The following FOXP1 variants were observed in gnomAD, a reference collection of about 807,000 sequenced individuals.
FOXP1 encodes the protein forkhead box P1, also known as forkhead box protein P1.
Under a neutral mutation model 98.2 loss-of-function variants are expected in FOXP1, and 15 were observed. The observed-to-expected ratio is 0.15, with a 90% CI of 0.10 to 0.24. The LOEUF (loss-of-function observed/expected upper bound fraction) is 0.24, where lower values mean the gene tolerates loss of function less well. FOXP1 is among the 10% of genes least tolerant of loss of function. The pLI is 1.00. For synonymous variants in FOXP1, 371 were observed against 314.5 expected (o/e 1.18, Z -1.90); for missense variants, 633 against 848.5 (o/e 0.75, Z 3.15).
intron 5 of FOXP1, among the ~76,000 whole-genome samples, chr3:71,243,467 C>CTG (rs2067459315): frequency 6.6e-6 from 1 of 152,190 alleles, no homozygotes; most frequent in African/African-American, 2.4e-5. Flanking sequence ...AAGCCAAGCA[C>CTG]TGTGGCATGA....
chr3:71,322,307 A>G (rs1343231918), intron 4 of FOXP1, among the ~76,000 whole-genome samples: 1 of 152,216 alleles, frequency 6.6e-6, no homozygotes, highest in Non-Finnish European at 1.5e-5. Flanking sequence ...AAATATAACT[A>G]AAAATTCAGT....
chr3:71,583,639 GCCCGCGCGCGCAC>G lies in FOXP1; in HGVS notation c.-528_-516del. On this transcript the variant is annotated 5_prime_UTR_variant, in exon 1 of 21. Transcript: ENST00000649528. ...CCTTTCCCCGCGCGCGCCCACTCCC[GCCCGCGCGCGCAC>G]CCCGCGCACACACTCACTCGCGCAC... 2.0e-6 allele frequency: 2 copies of G among 983,032 alleles called. No homozygotes were observed. The highest frequency in any genetic ancestry group is 9.4e-5 in the South Asian group (2 of 21,170). 60.9% of individuals were successfully genotyped at this position (983,032 alleles called of 1,614,324 possible).
At chr3:71,273,653 G>C (rs2070608927) in intron 5 of FOXP1, among the ~76,000 whole-genome samples, 2 of 152,156 alleles carry the variant, frequency 1.3e-5, no homozygotes, top group Non-Finnish European at 2.9e-5. Flanking sequence ...TGCTAATGGG[G>C]GGATGACTGC....
At chr3:71,109,099 A>T (rs2057696193) in intron 7 of FOXP1, among the ~76,000 whole-genome samples, 1 of 152,264 alleles carries the variant, frequency 6.6e-6, no homozygotes, top group Non-Finnish European at 1.5e-5. Flanking sequence ...AGAACTTCAG[A>T]AGCAATATCT....
intron 9 of FOXP1, among the ~76,000 whole-genome samples, chr3:71,048,632 C>T (rs1462943735): frequency 6.6e-6 from 1 of 152,016 alleles, no homozygotes; most frequent in Non-Finnish European, 1.5e-5. Context: ...CACCCCTTCC[C>T]AAGTTATCAC....
At chr3:71,227,202 G>C (rs2065911616) in intron 5 of FOXP1, among the ~76,000 whole-genome samples, 1 of 152,020 alleles carries the variant, frequency 6.6e-6, no homozygotes, top group African/African-American at 2.4e-5. Flanking sequence ...GGTGACATCG[G>C]GCAGCTTTTA....
chr3:71,434,631 G>GGGGT (rs1553883024), intron 3 of FOXP1, among the ~76,000 whole-genome samples: 34 of 142,340 alleles, frequency 2.4e-4, no homozygotes, highest in Admixed American at 2.1e-4. Context: ...GAGGGGATGG[G>GGGGT]GTGTGTGTGT....
intron 3 of FOXP1, among the ~76,000 whole-genome samples, chr3:71,364,910 T>A (rs1180966027): frequency 2.6e-5 from 4 of 152,248 alleles, no homozygotes; most frequent in African/African-American, 9.6e-5. Context: ...TATTTTACTA[T>A]CTTTTAGTCA....
chr3:70,988,147 C>T (rs2040053222), intron 13 of FOXP1, 70 bp from the exon 14 acceptor site: 5 of 1,324,506 alleles, frequency 3.8e-6, no homozygotes, highest in Admixed American at 1.7e-5. Context: ...AAAAATGATA[C>T]ATATTACAAA....
At chr3:71,198,093 CA>C in intron 6 of FOXP1, 108 bp downstream of exon 6, 1 of 1,614,084 alleles carries the variant, frequency 6.2e-7, no homozygotes, top group Non-Finnish European at 8.5e-7. Flanking sequence ...GACAGATGGA[CA>C]GACAGGTGAA....
chr3:70,960,480 G>A lies in FOXP1; in HGVS notation c.1890-1089C>T, dbSNP rs559095520. 9.8e-5 allele frequency among the ~76,000 whole-genome samples: 15 copies of A among 152,328 alleles called. No homozygotes were observed. In the East Asian group the frequency reaches 2.3e-3, roughly 24 times the overall value. On this transcript the variant is annotated intron_variant, in intron 20 of 20. Transcript: ENST00000649528. ...GGATAACTATTGAGAAATGTTGTTC[G>A]TAAATCATATTTACAACTGATCCTT...
chr3:71,013,018 A>G (rs774487052), intron 12 of FOXP1, among the ~76,000 whole-genome samples: 4 of 152,202 alleles, frequency 2.6e-5, no homozygotes, highest in Non-Finnish European at 5.9e-5. Flanking sequence ...ACAAAAATGG[A>G]GGGCAGTTTG....
chr3:71,418,768 CACT>C (rs1260813804), intron 3 of FOXP1, among the ~76,000 whole-genome samples: 1 of 152,054 alleles, frequency 6.6e-6, no homozygotes, highest in Non-Finnish European at 1.5e-5. Context: ...AGACCAATAC[CACT>C]GTCACTATCG....
intron 3 of FOXP1, among the ~76,000 whole-genome samples, chr3:71,489,952 T>TA (rs1449727756): frequency 1.3e-5 from 2 of 152,226 alleles, no homozygotes. Flanking sequence ...GGAGGACACT[T>TA]ACCATGAAAC....
intron 5 of FOXP1, chr3:71,288,551 A>T (rs1402989389): frequency 6.6e-6 from 1 of 152,228 alleles, no homozygotes; most frequent in African/African-American, 2.4e-5. Flanking sequence ...CCAATCTGTG[A>T]TATACTTCAG....
At chr3:71,011,262 C>T (rs76363421) in intron 12 of FOXP1, among the ~76,000 whole-genome samples, 10 of 152,216 alleles carry the variant, frequency 6.6e-5, no homozygotes, top group African/African-American at 1.4e-4. Context: ...ATGTGGTTCA[C>T]GTGGGGTGAA....
intron 10 of FOXP1, among the ~76,000 whole-genome samples, chr3:71,045,798 T>G (rs1034797743): frequency 9.9e-5 from 15 of 152,212 alleles, no homozygotes; most frequent in African/African-American, 3.6e-4. Flanking sequence ...CTGACTTCAC[T>G]TGACACCAAA....
chr3:71,475,884 C>T (rs956261302), intron 3 of FOXP1, among the ~76,000 whole-genome samples: 5 of 144,708 alleles, frequency 3.5e-5, no homozygotes, highest in Non-Finnish European at 1.5e-5. Flanking sequence ...GATGTATTTT[C>T]CTACTAAACT....
intron 3 of FOXP1, among the ~76,000 whole-genome samples, chr3:71,413,237 A>G (rs1385000645): frequency 4.6e-5 from 4 of 86,108 alleles, no homozygotes; most frequent in African/African-American, 4.8e-5. Flanking sequence ...CCCCAAATAG[A>G]CACACACACA....
Sources: allele counts gnomAD v4.1 joint callset (sites outside exome capture counted in the v4.1 genomes callset), GRCh38; gene constraint gnomAD v4.1.1; transcripts MANE v1.5; gene names NCBI Gene and HGNC (gene_info 2026-07-23, HGNC 2026-07-21).